Variants in BTBD9 observed in about 807,000 individuals in gnomAD.
BTBD9 encodes the protein BTB/POZ domain-containing protein 9.
Under a neutral mutation model 64.3 loss-of-function variants are expected in BTBD9, and 49 were observed. The ratio of observed to expected loss-of-function variants is 0.76; its 90% CI spans 0.61 to 0.97. The LOEUF is 0.97. Among genes scored for constraint, BTBD9 ranks in the 50% least tolerant of loss-of-function variants. The probability of loss-of-function intolerance (pLI) is 0.00; values close to 1 mark genes in which losing one functional copy is unlikely to be tolerated. For missense variants in BTBD9, 598 were observed against 762.1 expected, an observed-to-expected ratio of 0.78 and a Z score of 2.53; for synonymous variants, 260 against 274.7, an observed-to-expected ratio of 0.95 and a Z score of 0.53.
At chr6:38,548,914 A>G (rs1774675951) in intron 6 of BTBD9, among the ~76,000 whole-genome samples, 1 of 152,214 alleles carries the variant, frequency 6.6e-6, no homozygotes, top group African/African-American at 2.4e-5. Context: ...ACCAGGAAAA[A>G]ATCAATAACT....
chr6:38,389,203 C>T (rs1434322932), intron 6 of BTBD9, among the ~76,000 whole-genome samples: 1 of 152,132 alleles, frequency 6.6e-6, no homozygotes, highest in African/African-American at 2.4e-5. Context: ...TCTACTTACC[C>T]TTGCTGGGAA....
At chr6:38,194,538 C>G (rs886587345) in intron 9 of BTBD9, among the ~76,000 whole-genome samples, 1 of 152,148 alleles carries the variant, frequency 6.6e-6, no homozygotes, top group Non-Finnish European at 1.5e-5. Flanking sequence ...TAGCTCAATG[C>G]CTGTCAAATA....
intron 10 of BTBD9, among the ~76,000 whole-genome samples, chr6:38,185,378 G>A (rs1761771150): frequency 6.6e-6 from 1 of 152,310 alleles, no homozygotes; most frequent in East Asian, 1.9e-4. Context: ...CATGCTCAGA[G>A]CCACCTGCTT....
intron 6 of BTBD9, among the ~76,000 whole-genome samples, chr6:38,390,032 A>G (rs1417239132): frequency 6.6e-6 from 1 of 152,222 alleles, no homozygotes; most frequent in East Asian, 1.9e-4. Context: ...TTGTCATCAT[A>G]TGCCACTCAA....
chr6:38,507,971 CT>C (rs772244338), intron 6 of BTBD9, among the ~76,000 whole-genome samples: 4 of 151,772 alleles, frequency 2.6e-5, no homozygotes, highest in Non-Finnish European at 5.9e-5. Flanking sequence ...GTAGCTGGGA[CT>C]ATAGGCACCC....
chr6:38,495,364 C>T lies in BTBD9; in HGVS notation c.1154+82236G>A, dbSNP rs190765793. ...ATGTTAGTTCTCTTCTCCATCTATTCTTACCAACAAAAGAATGCAGAAGAC... is the reference window on the plus strand; with the variant it reads ...ATGTTAGTTCTCTTCTCCATCTATTTTTACCAACAAAAGAATGCAGAAGAC... On this transcript the variant is annotated intron_variant, in intron 6 of 10. Transcript: ENST00000481247. Among the ~76,000 whole-genome samples, 13 of 152,324 alleles carry T rather than the reference C, an allele frequency of 8.5e-5. No individual in the cohort carries two copies. The East Asian group carries it at 2.5e-3, about 29-fold the overall frequency.
chr6:38,423,627 A>G (rs908454245), intron 6 of BTBD9, among the ~76,000 whole-genome samples: 2 of 152,128 alleles, frequency 1.3e-5, no homozygotes, highest in African/African-American at 4.8e-5. Context: ...GTTACCATAA[A>G]ATGACCAAAG....
chr6:38,292,500 T>A (rs1360286409), intron 7 of BTBD9, among the ~76,000 whole-genome samples: 2 of 152,184 alleles, frequency 1.3e-5, no homozygotes, highest in Non-Finnish European at 2.9e-5. Context: ...TCAGAATTTG[T>A]TATTGGTCTA....
intron 4 of BTBD9, among the ~76,000 whole-genome samples, chr6:38,586,990 G>A (rs1217706534): frequency 6.6e-6 from 1 of 151,964 alleles, no homozygotes; most frequent in Non-Finnish European, 1.5e-5. Context: ...TTGAGCCCAG[G>A]AGGCTGAGGT....
chr6:38,564,463 A>G (rs1269933694), intron 6 of BTBD9, among the ~76,000 whole-genome samples: 1 of 152,216 alleles, frequency 6.6e-6, no homozygotes, highest in Non-Finnish European at 1.5e-5. Flanking sequence ...TTGCTAAATG[A>G]ATACATGGGA....
At chr6:38,502,020 T>G (rs1772224572) in intron 6 of BTBD9, among the ~76,000 whole-genome samples, 1 of 152,226 alleles carries the variant, frequency 6.6e-6, no homozygotes, top group Non-Finnish European at 1.5e-5. Context: ...TGAGAACTAC[T>G]GGTATAGAGA....
chr6:38,280,098 T>C (rs1229096698), intron 8 of BTBD9, among the ~76,000 whole-genome samples: 3 of 152,220 alleles, frequency 2.0e-5, no homozygotes, highest in African/African-American at 7.2e-5. Context: ...CACAACTTAG[T>C]TGCCATAGCA....
chr6:38,431,654 ACT>A (rs961089806), intron 6 of BTBD9, among the ~76,000 whole-genome samples: 11 of 150,032 alleles, frequency 7.3e-5, no homozygotes, highest in African/African-American at 2.5e-4. Context: ...ATATAACCTG[ACT>A]CTGACCACAG....
At chr6:38,436,944 T>A (rs568925193) in intron 6 of BTBD9, among the ~76,000 whole-genome samples, 155 of 152,350 alleles carry the variant, frequency 1.0e-3, no homozygotes, top group South Asian at 1.9e-3. Flanking sequence ...TGTATATGTG[T>A]ACCACTCTTC....
At chr6:38,488,110 T>C (rs1224254352) in intron 6 of BTBD9, among the ~76,000 whole-genome samples, 1 of 152,050 alleles carries the variant, frequency 6.6e-6, no homozygotes, top group Non-Finnish European at 1.5e-5. Context: ...GTGCATGCCA[T>C]CACCTCTGGC....
rs147117790 is a variant in BTBD9 at position 38,498,944 on chromosome 6, A to C, written c.1154+78656T>G. ...ATCCCCACACATTTTTATCCACATC[A>C]ATTATGTGTCATTTAAAAGAAAGAA... On this transcript the variant is annotated intron_variant, in intron 6 of 10. Transcript: ENST00000481247. Among the ~76,000 whole-genome samples, 20 of 152,318 alleles carry C rather than the reference A, an allele frequency of 1.3e-4. No individual in the cohort carries two copies. The East Asian group carries it at 3.9e-3, about 29-fold the overall frequency.
intron 6 of BTBD9, among the ~76,000 whole-genome samples, chr6:38,354,452 T>C (rs899257171): frequency 3.3e-5 from 5 of 152,188 alleles, no homozygotes; most frequent in African/African-American, 1.2e-4. Flanking sequence ...GATAATACTA[T>C]AGGTTCAGCT....
At chr6:38,463,199 G>T (rs555534791) in intron 6 of BTBD9, among the ~76,000 whole-genome samples, 54 of 152,332 alleles carry the variant, frequency 3.5e-4, no homozygotes, top group African/African-American at 1.3e-3. Context: ...ATAGCATAGA[G>T]AAATACAATT....
chr6:38,347,530 C>G (rs745685429), intron 6 of BTBD9, among the ~76,000 whole-genome samples: 4 of 152,192 alleles, frequency 2.6e-5, no homozygotes, highest in Non-Finnish European at 4.4e-5. Flanking sequence ...AGTCCCTACT[C>G]AAATACACAT....
Sources: gnomAD v4.1 joint callset for allele counts (sites outside exome capture counted in the v4.1 genomes callset) on GRCh38, gnomAD v4.1.1 for gene constraint, MANE v1.5 for transcripts, NCBI Gene and HGNC (gene_info 2026-07-23, HGNC 2026-07-21) for gene names.